The following DYRK1A variants were observed in gnomAD, a reference collection of about 807,000 sequenced individuals.
DYRK1A encodes dual specificity tyrosine-phosphorylation-regulated kinase 1A.
Under a neutral mutation model 79.7 loss-of-function variants are expected in DYRK1A, and 9 were observed. The observed-to-expected ratio is 0.11, with a 90% CI of 0.07 to 0.20. The LOEUF (loss-of-function observed/expected upper bound fraction) is 0.20, where lower values mean the gene tolerates loss of function less well. Among genes scored for constraint, DYRK1A ranks in the 10% least tolerant of loss-of-function variants. The pLI, the probability that DYRK1A is intolerant of heterozygous loss-of-function variation, is 1.00. For synonymous variants in DYRK1A, 349 were observed against 329.7 expected (o/e 1.06, Z -0.63); for missense variants, 622 against 956.0 (o/e 0.65, Z 4.61).
At chr21:37,491,546 A>G (rs749506790) in intron 7 of DYRK1A, among the ~76,000 whole-genome samples, 10 of 152,210 alleles carry the variant, frequency 6.6e-5, no homozygotes, top group Non-Finnish European at 1.3e-4. Flanking sequence ...ATAAGGATTT[A>G]TAGCCAATTA....
At chr21:37,366,705 T>TG (rs890260386), upstream of DYRK1A, among the ~76,000 whole-genome samples, 19 of 150,088 alleles carry the variant, frequency 1.3e-4, no homozygotes, top group African/African-American at 4.2e-4. Flanking sequence ...GGCTCGGGGC[T>TG]GGGGGGCGGG....
chr21:37,453,072 T>C (rs2051511613), intron 2 of DYRK1A, among the ~76,000 whole-genome samples: 1 of 152,100 alleles, frequency 6.6e-6, no homozygotes, highest in Admixed American at 6.5e-5. Flanking sequence ...GCTTGCACCA[T>C]TGCACTCCAG....
intron 5 of DYRK1A, among the ~76,000 whole-genome samples, chr21:37,482,851 G>A (rs973048824): frequency 6.6e-5 from 10 of 152,246 alleles, no homozygotes; most frequent in East Asian, 3.9e-4. Context: ...AGAATTCAGC[G>A]ATATTTCTCC....
intron 2 of DYRK1A, among the ~76,000 whole-genome samples, chr21:37,467,031 T>G (rs2052048721): frequency 6.6e-6 from 1 of 150,996 alleles, no homozygotes; most frequent in African/African-American, 2.4e-5. Flanking sequence ...ATAGAAAATC[T>G]GAATAGTCCT....
chr21:37,401,038 G>C (rs1488449756), intron 1 of DYRK1A, among the ~76,000 whole-genome samples: 1 of 152,110 alleles, frequency 6.6e-6, no homozygotes, highest in Non-Finnish European at 1.5e-5. Flanking sequence ...CAGCTACTTG[G>C]GAGGCTGAGG....
chr21:37,392,247 C>T lies in DYRK1A; in HGVS notation c.-77+24619C>T, dbSNP rs543120837. ...TTGGGGCAAGTCTTCTGTAACCTGA[C>T]GTACTCATCTCAGATGTCATCTCCT... On this transcript the variant is annotated intron_variant, in intron 1 of 11. Transcript: ENST00000647188. Among the ~76,000 whole-genome samples, 40 of 152,290 alleles carry T rather than the reference C, an allele frequency of 2.6e-4. No homozygotes were observed. In the South Asian group the frequency reaches 6.2e-3, roughly 24 times the overall value.
chr21:37,472,551 C>A, intron 2 of DYRK1A, 133 bp from the exon 3 acceptor site: 2 of 585,062 alleles, frequency 3.4e-6, no homozygotes, highest in Non-Finnish European at 5.6e-6. Context: ...GTAACATATA[C>A]CTGTTTGTAG....
intron 1 of DYRK1A, among the ~76,000 whole-genome samples, chr21:37,403,952 G>C (rs1366981097): frequency 6.6e-6 from 1 of 151,836 alleles, no homozygotes; most frequent in Admixed American, 6.6e-5. Context: ...GTCTAATATG[G>C]TGGACCATGA....
At chr21:37,419,261 G>A (rs1241087702) in intron 1 of DYRK1A, 1 of 152,168 alleles carries the variant, frequency 6.6e-6, no homozygotes, top group Non-Finnish European at 1.5e-5. Context: ...ATTTAGGAGT[G>A]TAAAACAACT....
chr21:37,376,180 G>C (rs976465259), intron 1 of DYRK1A, among the ~76,000 whole-genome samples: 3 of 152,132 alleles, frequency 2.0e-5, no homozygotes, highest in Non-Finnish European at 4.4e-5. Context: ...AAGGAGGGAA[G>C]AACACAGTCC....
At chr21:37,378,467 C>T (rs1229608367) in intron 1 of DYRK1A, among the ~76,000 whole-genome samples, 2 of 152,154 alleles carry the variant, frequency 1.3e-5, no homozygotes, top group African/African-American at 2.4e-5. Flanking sequence ...GGGAGGCGGA[C>T]GTGGTGGTGA....
At chr21:37,436,047 A>G (rs542927769) in intron 2 of DYRK1A, among the ~76,000 whole-genome samples, 4 of 152,160 alleles carry the variant, frequency 2.6e-5, no homozygotes, top group Admixed American at 1.3e-4. Context: ...AATACATGTG[A>G]CGTTAGATTA....
intron 2 of DYRK1A, among the ~76,000 whole-genome samples, chr21:37,463,202 A>ATGTGTGTGTGTGTG (rs1569345120): frequency 2.8e-5 from 1 of 35,636 alleles, no homozygotes; most frequent in Non-Finnish European, 5.2e-5. Context: ...TAATGTTGGC[A>ATGTGTGTGTGTGTG]CGTGTGTGTG....
intron 2 of DYRK1A, among the ~76,000 whole-genome samples, chr21:37,442,075 T>TA (rs2051124462): frequency 6.6e-6 from 1 of 152,060 alleles, no homozygotes; most frequent in Admixed American, 6.5e-5. Flanking sequence ...CATTGTTTCT[T>TA]ACAGAAAATC....
chr21:37,480,904 C>A, intron 5 of DYRK1A, 78 bp downstream of exon 5: 1 of 1,151,708 alleles, frequency 8.7e-7, no homozygotes, highest in South Asian at 1.6e-5. Context: ...AGCCCTTCCT[C>A]AAGAGTGTAC....
At chr21:37,495,430 G>A (rs574661189) in intron 8 of DYRK1A, among the ~76,000 whole-genome samples, 1 of 152,272 alleles carries the variant, frequency 6.6e-6, no homozygotes, top group East Asian at 1.9e-4. Flanking sequence ...GGCCAAGGTG[G>A]ACAGATCATT....
intron 6 of DYRK1A, among the ~76,000 whole-genome samples, chr21:37,489,554 A>G (rs1359674636): frequency 6.6e-6 from 1 of 152,014 alleles, no homozygotes; most frequent in African/African-American, 2.4e-5. Context: ...TCACTTACCA[A>G]TTTGATAAAC....
chr21:37,496,931 A>T (rs150313425), intron 9 of DYRK1A, among the ~76,000 whole-genome samples: 1,541 of 152,292 alleles, frequency 0.01, 23 homozygotes, highest in African/African-American at 0.034. Flanking sequence ...CCAATTTTGC[A>T]TCTTGATTTT....
intron 1 of DYRK1A, among the ~76,000 whole-genome samples, chr21:37,408,675 G>GTTCCACT (rs2050192038): frequency 6.6e-6 from 1 of 152,176 alleles, no homozygotes; most frequent in Admixed American, 6.5e-5. Flanking sequence ...AAACTCATTT[G>GTTCCACT]TTCCACTCTT....
Sources: gnomAD v4.1 joint callset for allele counts (sites outside exome capture counted in the v4.1 genomes callset) on GRCh38, gnomAD v4.1.1 for gene constraint, MANE v1.5 for transcripts, NCBI Gene and HGNC (gene_info 2026-07-23, HGNC 2026-07-21) for gene names.